VXN: variants seen among roughly 807,000 people sequenced by gnomAD.
VXN encodes vexin.
Under a neutral mutation model 23.1 loss-of-function variants are expected in VXN, and 7 were observed. The ratio of observed to expected loss-of-function variants is 0.30; its 90% CI spans 0.17 to 0.57. The LOEUF is 0.57. Among genes scored for constraint, VXN ranks in the 20% least tolerant of loss-of-function variants. VXN has a pLI of 0.91. For missense variants in VXN, 238 were observed against 272.6 expected, an observed-to-expected ratio of 0.87 and a Z score of 0.89; for synonymous variants, 120 against 105.8, an observed-to-expected ratio of 1.13 and a Z score of -0.83.
chr8:66,513,557 G>T lies in VXN; in HGVS notation c.360G>T (p.Arg120=). The T allele has an allele frequency of 6.2e-7, 1 of 1,614,140 alleles. No homozygotes were observed. The highest frequency in any genetic ancestry group is 8.5e-7 in the Non-Finnish European group (1 of 1,180,002). Residue 120 remains arginine (R), a synonymous_variant, in exon 5 of 6, where the codon CGG becomes CGT. Transcript: ENST00000305454. ...CATGACAGATACCGCCAGTGCCCCGGATCTCAGTGAAAACTTCAGCCTCTG... is the reference window on the plus strand; with the variant it reads ...CATGACAGATACCGCCAGTGCCCCGTATCTCAGTGAAAACTTCAGCCTCTG... ...YGKSLIPPVP[R]ISVKTSASAS...
rs949178611 is a variant in VXN, at chr8:66,505,570, G to T, written c.280+42G>T. 8 of 1,442,734 alleles carry T rather than the reference G, an allele frequency of 5.5e-6. No homozygotes were observed. In the African/African-American group the frequency reaches 8.6e-5, roughly 15 times the overall value. 89.4% of individuals were successfully genotyped at this position (1,442,734 alleles called of 1,614,324 possible). A position where few individuals can be genotyped will look rare whatever the true frequency, so the allele number is the denominator to read the frequency against. On this transcript the variant is annotated intron_variant, in intron 3 of 5. Coordinates refer to ENST00000305454, the MANE Select transcript of VXN (RefSeq NM_152765.4). Reference sequence around the variant, plus strand: ...CCCAGCTCCCCGCACCTCCCTGGGCGCAGAGACCCACTCAGAGCCACCACA... The same window carrying T: ...CCCAGCTCCCCGCACCTCCCTGGGCTCAGAGACCCACTCAGAGCCACCACA...
intron 3 of VXN, among the ~76,000 whole-genome samples, chr8:66,509,823 C>T (rs982083678): frequency 6.6e-6 from 1 of 151,918 alleles, no homozygotes; most frequent in African/African-American, 2.4e-5. Flanking sequence ...ACAGCCTCCC[C>T]CCATCAACAT....
chr8:66,497,324 G>A (rs1384902171), intron 2 of VXN, among the ~76,000 whole-genome samples: 1 of 152,216 alleles, frequency 6.6e-6, no homozygotes, highest in African/African-American at 2.4e-5. Context: ...CAAACATTGT[G>A]CTAGATGTAG....
intron 1 of VXN, among the ~76,000 whole-genome samples, chr8:66,494,166 G>C (rs944531053): frequency 1.3e-5 from 2 of 152,202 alleles, no homozygotes; most frequent in African/African-American, 4.8e-5. Flanking sequence ...GTGGCTGCTT[G>C]AAGTCCAGTG....
chr8:66,516,920 T>A lies in VXN; in HGVS notation c.*844T>A, dbSNP rs2130564435. The A allele has an allele frequency of 6.6e-6, 1 of 152,284 alleles. No homozygotes were observed. The highest frequency in any genetic ancestry group is 1.9e-4 in the East Asian group (1 of 5,182). 9.4% of individuals were successfully genotyped at this position (152,284 alleles called of 1,614,324 possible). ...GGAACCAGACAGCAGGTCCTTAACT[T>A]CTCTCCAGTGGACTCCCTGCTTTGC... On this transcript the variant is annotated 3_prime_UTR_variant, in exon 6 of 6. Coordinates refer to ENST00000305454, the MANE Select transcript of VXN (RefSeq NM_152765.4).
chr8:66,513,696 TC>T, intron 5 of VXN, 59 bp downstream of exon 5: 1 of 1,444,804 alleles, frequency 6.9e-7, no homozygotes, highest in Non-Finnish European at 9.6e-7. Flanking sequence ...GATCCTTCCT[TC>T]CCCAGAAGAG....
intron 2 of VXN, among the ~76,000 whole-genome samples, chr8:66,502,040 T>C (rs1164662457): frequency 1.3e-5 from 2 of 152,248 alleles, no homozygotes; most frequent in Non-Finnish European, 2.9e-5. Context: ...GTCAGGTTCC[T>C]TCTTCTCAAA....
At chr8:66,505,846 G>A (rs1266970586) in intron 3 of VXN, among the ~76,000 whole-genome samples, 1 of 151,940 alleles carries the variant, frequency 6.6e-6, no homozygotes. Context: ...TGTTACCTAG[G>A]CTGGAGTGCA....
chr8:66,506,232 A>ATGTGTGTGTGT (rs1491453609), intron 3 of VXN, among the ~76,000 whole-genome samples: 3 of 140,338 alleles, frequency 2.1e-5, no homozygotes, highest in African/African-American at 8.0e-5. Flanking sequence ...AGAGAGAGAC[A>ATGTGTGTGTGT]GTGTGTGTGT....
rs559356856 is a variant in VXN, at chr8:66,497,164, T to G, written c.126+672T>G. Reference sequence around the variant, plus strand: ...TTCCAAAGTGCTGGGATTACAGGCATGAGCCACTGCACCTGGCCAAAATAC... The same window carrying G: ...TTCCAAAGTGCTGGGATTACAGGCAGGAGCCACTGCACCTGGCCAAAATAC... On this transcript the variant is annotated intron_variant, in intron 2 of 5. Transcript: ENST00000305454. Among the ~76,000 whole-genome samples the G allele has an allele frequency of 6.6e-5, 10 of 152,364 alleles. No individual in the cohort carries two copies. In the East Asian group the frequency reaches 1.9e-3, roughly 29 times the overall value.
chr8:66,500,530 C>A (rs746914777), intron 2 of VXN, among the ~76,000 whole-genome samples: 1 of 152,064 alleles, frequency 6.6e-6, no homozygotes, highest in African/African-American at 2.4e-5. Context: ...CAGTTATACG[C>A]CTTTTTCTTA....
At position 66,516,320 on chromosome 8, in the gene VXN, A is replaced by G; in HGVS notation, c.*244A>G. On this transcript the variant is annotated 3_prime_UTR_variant, in exon 6 of 6. Transcript: ENST00000305454. ...TCTGAAAGTGACTTTGGGAGGTCATAAAGTTTGTATCTCTATCTTTAAGCA... is the reference window on the plus strand; with the variant it reads ...TCTGAAAGTGACTTTGGGAGGTCATGAAGTTTGTATCTCTATCTTTAAGCA... 2.9e-6 allele frequency: 1 copy of G among 339,424 alleles called. No homozygotes were observed. Among genetic ancestry groups the G allele is most frequent in the Non-Finnish European group, 5.3e-6 (1 of 189,554 alleles). The allele number at this position is 339,424 out of a possible 1,614,324, so 21.0% of individuals were successfully genotyped here.
At position 66,493,793 on chromosome 8, in the gene VXN, C is replaced by T. The variant is rs917258959; in HGVS notation, c.70+75C>T. 4.0e-6 allele frequency: 5 copies of T among 1,235,236 alleles called. No individual in the cohort carries two copies. The African/African-American group carries it at 5.9e-5, about 15-fold the overall frequency. The allele number at this position is 1,235,236 out of a possible 1,614,324, so 76.5% of individuals were successfully genotyped here. A position where few individuals can be genotyped will look rare whatever the true frequency, so the allele number is the denominator to read the frequency against. On this transcript the variant is annotated intron_variant, in intron 1 of 5. Transcript: ENST00000305454. ...GAGGGGAAGGACAGTCACGTGCTGC[C>T]TTACTACGGTTTATCCTCAGGTCTC...
chr8:66,494,461 A>C (rs1586513703), intron 1 of VXN: 1 of 150,868 alleles, frequency 6.6e-6, no homozygotes, highest in East Asian at 1.9e-4. Context: ...CCTCCCATCC[A>C]CCTCCATGAC....
chr8:66,513,518 C>A, intron 4 of VXN, 22 bp from the exon 5 acceptor site: 2 of 1,605,130 alleles, frequency 1.2e-6, no homozygotes, highest in Non-Finnish European at 1.7e-6. Context: ...TCCTCACACT[C>A]CCTCCCGCTT....
rs1005237526 is a variant in VXN at position 66,518,490 on chromosome 8, T to C, written c.*2414T>C. ...TTGGCCAATTCAAATAAAAATAAAG[T>C]CAGCTTTGTTTGTGACATTCATGCA... is the stretch of plus-strand genomic sequence containing the variant. On this transcript the variant is annotated 3_prime_UTR_variant, in exon 6 of 6. Transcript: ENST00000305454. 6 of 152,212 alleles carry C rather than the reference T, an allele frequency of 3.9e-5. No individual in the cohort carries two copies. Among genetic ancestry groups the C allele is most frequent in the Non-Finnish European group, 8.8e-5 (6 of 68,036 alleles). The allele number at this position is 152,212 out of a possible 1,614,324, so 9.4% of individuals were successfully genotyped here.
intron 3 of VXN, among the ~76,000 whole-genome samples, chr8:66,509,274 T>G (rs948901092): frequency 1.3e-5 from 2 of 152,242 alleles, no homozygotes; most frequent in African/African-American, 4.8e-5. Flanking sequence ...AGACCTGTGC[T>G]GAAAGCCAGC....
Position 66,515,984 on chromosome 8 carries a change from G to T in VXN, c.532G>T (p.Gly178Cys), listed in dbSNP as rs779190583. ...SLPLTGSASCGVPGILRKMWT... is the reference protein window; with the variant it reads ...SLPLTGSASCCVPGILRKMWT... ...ACCACTGACAGGCAGTGCTTCCTGCGGCGTCCCCGGCATCCTCCGGAAAAT... is the reference window on the plus strand; with the variant it reads ...ACCACTGACAGGCAGTGCTTCCTGCTGCGTCCCCGGCATCCTCCGGAAAAT... Residue 178 changes from glycine to cysteine, a missense_variant, in exon 6 of 6, where the codon GGC (glycine) becomes TGC (cysteine). Physicochemically the swap from Gly to Cys is radical, Grantham distance 159. This residue lies in a region of VXN where 223 missense variants were observed against 236.9 expected (regional missense o/e 0.94). Transcript: ENST00000305454. The T allele has an allele frequency of 6.2e-7, 1 of 1,613,860 alleles. No individual in the cohort carries two copies. The highest frequency in any genetic ancestry group is 2.2e-5 in the East Asian group (1 of 44,854).
chr8:66,499,264 ACT>A (rs1169223766), intron 2 of VXN, among the ~76,000 whole-genome samples: 2 of 121,350 alleles, frequency 1.6e-5, no homozygotes, highest in African/African-American at 3.3e-5. Context: ...ACAGGGTCTC[ACT>A]CTGTCACCCA....
Sources: allele counts gnomAD v4.1 joint callset (sites outside exome capture counted in the v4.1 genomes callset), GRCh38; gene constraint gnomAD v4.1.1; regional missense constraint gnomAD v4.1.1; transcripts MANE v1.5; gene names NCBI Gene and HGNC (gene_info 2026-07-23, HGNC 2026-07-21).